The following PRDM5 variants were observed in gnomAD, a reference collection of about 807,000 sequenced individuals.
PRDM5 encodes the protein PR domain zinc finger protein 5.
Under a neutral mutation model 81.2 loss-of-function variants are expected in PRDM5, and 56 were observed. The ratio of observed to expected loss-of-function variants is 0.69; its 90% CI spans 0.56 to 0.86. The LOEUF is 0.86. Ranked by LOEUF, PRDM5 falls within the 40% of genes least tolerant of loss-of-function variation. PRDM5 has a pLI of 0.00. For synonymous variants in PRDM5, 267 were observed against 256.4 expected (o/e 1.04, Z -0.39); for missense variants, 697 against 770.1 (o/e 0.91, Z 1.12).
At chr4:120,913,917 C>T (rs1299245756) in intron 1 of PRDM5, among the ~76,000 whole-genome samples, 2 of 152,278 alleles carry the variant, frequency 1.3e-5, no homozygotes, top group East Asian at 3.9e-4. Context: ...GAACTGACAG[C>T]CTATCTGCCA....
chr4:120,735,848 T>C (rs1741027099), intron 14 of PRDM5, among the ~76,000 whole-genome samples: 1 of 152,184 alleles, frequency 6.6e-6, no homozygotes, highest in South Asian at 2.1e-4. Context: ...AGATGTCTAA[T>C]ACTTTTTAAA....
chr4:120,808,094 T>A (rs1007409528), intron 8 of PRDM5, among the ~76,000 whole-genome samples: 1 of 152,124 alleles, frequency 6.6e-6, no homozygotes, highest in African/African-American at 2.4e-5. Flanking sequence ...GCAGCAAGAC[T>A]TATTGCAAAG....
chr4:120,693,035 G>A lies in PRDM5; in HGVS notation c.*2076C>T, dbSNP rs1476289789. 6.6e-6 allele frequency: 1 copy of A among 151,848 alleles called. No homozygotes were observed. Among genetic ancestry groups the A allele is most frequent in the Non-Finnish European group, 1.5e-5 (1 of 67,964 alleles). 9.4% of individuals were successfully genotyped at this position (151,848 alleles called of 1,614,324 possible). A position where few individuals can be genotyped will look rare whatever the true frequency, so the allele number is the denominator to read the frequency against. ...AGGAGAGAGTGGTGTACCACTCTCT[G>A]GTGTAGGTCCTTCTACACCATTTTC... On this transcript the variant is annotated 3_prime_UTR_variant, in exon 16 of 16. Transcript: ENST00000264808.
chr4:120,904,782 T>G (rs1383502747), intron 2 of PRDM5, among the ~76,000 whole-genome samples: 1 of 152,212 alleles, frequency 6.6e-6, no homozygotes, highest in East Asian at 1.9e-4. Flanking sequence ...TGTTTAACAC[T>G]ACCTTATAGC....
chr4:120,736,094 G>A (rs1270563009), intron 14 of PRDM5, among the ~76,000 whole-genome samples: 1 of 151,714 alleles, frequency 6.6e-6, no homozygotes, highest in South Asian at 2.1e-4. Context: ...GTGATGTCTG[G>A]CCTTCTGTGT....
chr4:120,694,728 C>T lies in PRDM5; in HGVS notation c.*383G>A, dbSNP rs998863229. 4.5e-6 allele frequency: 1 copy of T among 224,266 alleles called. No individual in the cohort carries two copies. Among genetic ancestry groups the T allele is most frequent in the African/African-American group, 2.3e-5 (1 of 43,702 alleles). 13.9% of individuals were successfully genotyped at this position (224,266 alleles called of 1,614,324 possible). On this transcript the variant is annotated 3_prime_UTR_variant, in exon 16 of 16. Transcript: ENST00000264808. ...GCAAGTGAGTGCACACACACAGACACATACAGACACACAGACACACAGACA... is the reference window on the plus strand; with the variant it reads ...GCAAGTGAGTGCACACACACAGACATATACAGACACACAGACACACAGACA...
At chr4:120,787,187 A>G (rs1411401605) in intron 10 of PRDM5, among the ~76,000 whole-genome samples, 1 of 152,158 alleles carries the variant, frequency 6.6e-6, no homozygotes, top group African/African-American at 2.4e-5. Context: ...AAGGTGACCT[A>G]TGAGATAAGA....
intron 2 of PRDM5, among the ~76,000 whole-genome samples, chr4:120,885,134 C>CAA (rs60623556): frequency 0.039 from 1,958 of 50,528 alleles, 74 homozygotes; most frequent in East Asian, 0.13. Flanking sequence ...GACTCCGTAT[C>CAA]AAAAAAAAAA....
At chr4:120,917,438 T>G (rs1000737453) in intron 1 of PRDM5, among the ~76,000 whole-genome samples, 1 of 152,084 alleles carries the variant, frequency 6.6e-6, no homozygotes, top group Non-Finnish European at 1.5e-5. Flanking sequence ...TTTTCTATAA[T>G]TCTTATAATA....
chr4:120,787,318 G>T (rs756360397), intron 10 of PRDM5, among the ~76,000 whole-genome samples: 2 of 152,160 alleles, frequency 1.3e-5, no homozygotes, highest in African/African-American at 2.4e-5. Flanking sequence ...GCAGTCAGAA[G>T]AATGGGAGAA....
chr4:120,757,621 C>CA (rs1221557023), intron 13 of PRDM5, among the ~76,000 whole-genome samples: 1 of 152,136 alleles, frequency 6.6e-6, no homozygotes, highest in Non-Finnish European at 1.5e-5. Flanking sequence ...CCAATGTGGG[C>CA]AGGCATCATC....
At chr4:120,827,451 G>T (rs1162617256) in intron 3 of PRDM5, among the ~76,000 whole-genome samples, 1 of 151,962 alleles carries the variant, frequency 6.6e-6, no homozygotes, top group Admixed American at 6.6e-5. Context: ...TAGAGGCAGG[G>T]GCACCAACAA....
intron 2 of PRDM5, among the ~76,000 whole-genome samples, chr4:120,864,071 T>C (rs1760938156): frequency 6.6e-6 from 1 of 152,188 alleles, no homozygotes; most frequent in Non-Finnish European, 1.5e-5. Flanking sequence ...TTCTCAGTAA[T>C]AATACACTGC....
chr4:120,915,578 G>A (rs1469191205), intron 1 of PRDM5, among the ~76,000 whole-genome samples: 2 of 152,164 alleles, frequency 1.3e-5, no homozygotes, highest in African/African-American at 4.8e-5. Context: ...TCTCATATCA[G>A]AAGAAAGCCT....
intron 15 of PRDM5, 87 bp downstream of exon 15, chr4:120,710,222 C>T (rs200162265): frequency 0.019 from 8,263 of 441,822 alleles, 2 homozygotes; most frequent in Non-Finnish European, 0.025. Flanking sequence ...CACACACAGA[C>T]ACACACACAC....
chr4:120,800,180 T>C (rs182786047), intron 8 of PRDM5, among the ~76,000 whole-genome samples: 1 of 152,212 alleles, frequency 6.6e-6, no homozygotes, highest in East Asian at 1.9e-4. Context: ...CAGTAAAAGA[T>C]CAGAAGTTAC....
At chr4:120,732,368 T>C (rs1266516806) in intron 14 of PRDM5, among the ~76,000 whole-genome samples, 3 of 152,204 alleles carry the variant, frequency 2.0e-5, no homozygotes, top group African/African-American at 7.2e-5. Context: ...GATAATATTA[T>C]TTGTTTTATG....
intron 13 of PRDM5, among the ~76,000 whole-genome samples, chr4:120,775,179 C>A (rs762834426): frequency 2.4e-4 from 36 of 151,276 alleles, no homozygotes; most frequent in Non-Finnish European, 5.0e-4. Context: ...CAATAAATAA[C>A]CAAATGATAC....
intron 14 of PRDM5, 100 bp from the exon 15 acceptor site, chr4:120,710,513 A>C: frequency 1.0e-6 from 1 of 953,432 alleles, no homozygotes; most frequent in Non-Finnish European, 1.7e-6. Context: ...AGAATACTGC[A>C]GCAAATTTAC....
Sources: allele counts gnomAD v4.1 joint callset (sites outside exome capture counted in the v4.1 genomes callset), GRCh38; gene constraint gnomAD v4.1.1; transcripts MANE v1.5; gene names NCBI Gene and HGNC (gene_info 2026-07-23, HGNC 2026-07-21).